LARP4B: variants seen among roughly 807,000 people sequenced by gnomAD.
LARP4B encodes the protein la-related protein 4B.
LARP4B carries 12 observed loss-of-function variants against 89.8 expected under a neutral mutation model. That is an observed-to-expected ratio of 0.13 (90% CI 0.09 to 0.22). The LOEUF (loss-of-function observed/expected upper bound fraction) is 0.22. LARP4B is among the 10% of genes least tolerant of loss of function. The pLI, the probability that LARP4B is intolerant of heterozygous loss-of-function variation, is 1.00. For missense variants in LARP4B, 757 were observed against 947.7 expected, an observed-to-expected ratio of 0.80 and a Z score of 2.64; for synonymous variants, 367 against 363.3, an observed-to-expected ratio of 1.01 and a Z score of -0.12.
intron 1 of LARP4B, among the ~76,000 whole-genome samples, chr10:887,020 G>C (rs931253757): frequency 2.0e-5 from 3 of 152,140 alleles, no homozygotes; most frequent in African/African-American, 7.2e-5. Flanking sequence ...CCGGGAAGCA[G>C]GGGTTGCAGT....
chr10:889,566 G>A (rs1835956442), intron 1 of LARP4B, among the ~76,000 whole-genome samples: 1 of 152,198 alleles, frequency 6.6e-6, no homozygotes, highest in African/African-American at 2.4e-5. Context: ...ATGTTGAAAT[G>A]ACATTGAAAG....
At chr10:900,453 T>TTTTTTTTTTTTG (rs1836309611) in intron 1 of LARP4B, among the ~76,000 whole-genome samples, 1 of 117,262 alleles carries the variant, frequency 8.5e-6, no homozygotes, top group Non-Finnish European at 1.8e-5. Flanking sequence ...TTTTTTTTTT[T>TTTTTTTTTTTTG]GAGGTAGGGT....
the LARP4B span, among the ~76,000 whole-genome samples, chr10:965,288 C>T: frequency 6.6e-6 from 1 of 152,186 alleles, no homozygotes; most frequent in Admixed American, 6.5e-5. Flanking sequence ...GGACAGAAGG[C>T]GGTGGTGCTG....
In LARP4B at chr10:812,939, T is replaced by C; in HGVS notation, c.2204A>G (p.Lys735Arg). 2.6e-6 allele frequency: 4 copies of C among 1,545,784 alleles called. No individual in the cohort carries two copies. The highest frequency in any genetic ancestry group is 3.5e-6 in the Non-Finnish European group (4 of 1,155,036). The change falls in exon 18 of 18, where the codon AAG becomes AGG. Residue 735 changes from lysine to arginine, a missense_variant. Physicochemically the swap from Lys to Arg is conservative, Grantham distance 26. This residue lies in a region of LARP4B where 387 missense variants were observed against 423.6 expected (regional missense o/e 0.91). Transcript: ENST00000316157. ...GACGTACGGTTTTCACTGAGGAGAC[T>C]TGGGGGGAGTGCTCTGCTCTCGGCT... Reference protein sequence around the residue: ...RLSREQSTPPKSPQ With the variant: ...RLSREQSTPPRSPQ
chr10:939,912 C>G, the LARP4B span, among the ~76,000 whole-genome samples: 2 of 152,202 alleles, frequency 1.3e-5, no homozygotes, highest in Non-Finnish European at 2.9e-5. Flanking sequence ...GTGGTGTGAT[C>G]TCAGCTCACT....
chr10:958,908 C>G, the LARP4B span, among the ~76,000 whole-genome samples: 1 of 152,210 alleles, frequency 6.6e-6, no homozygotes, highest in African/African-American at 2.4e-5. Flanking sequence ...TCTGAAAGAA[C>G]AGAAAGAAAC....
intron 1 of LARP4B, among the ~76,000 whole-genome samples, chr10:923,073 C>CAA (rs796560967): frequency 7.2e-5 from 10 of 139,454 alleles, no homozygotes; most frequent in African/African-American, 2.1e-4. Flanking sequence ...GACTCCACCT[C>CAA]AAAAAAAAAA....
In LARP4B at chr10:814,799, A is replaced by C; in HGVS notation, c.1872T>G (p.Leu624=). The C allele has an allele frequency of 6.2e-7, 1 of 1,605,128 alleles. No individual in the cohort carries two copies. The highest frequency in any genetic ancestry group is 1.7e-4 in the Middle Eastern group (1 of 6,052). ...KQRETHSVDR[L]PSALTATACK... is the part of the protein sequence containing the mutation. Reference sequence around the variant, plus strand: ...ACGCGGTCGCAGTGAGGGCGGAAGGAAGTCTGTCCACACTGTGGGTTTCCC... The same window carrying C: ...ACGCGGTCGCAGTGAGGGCGGAAGGCAGTCTGTCCACACTGTGGGTTTCCC... The change falls in exon 17 of 18, where the codon CTT becomes CTG. Residue 624 remains leucine (L), a synonymous_variant. Transcript: ENST00000316157. The surrounding 1 kb of genome is among the most constrained non-coding windows in gnomAD (Gnocchi z 4.4).
chr10:841,051 G>A (rs1424483887), intron 7 of LARP4B, among the ~76,000 whole-genome samples: 1 of 152,200 alleles, frequency 6.6e-6, no homozygotes, highest in Admixed American at 6.5e-5. Context: ...CTACTTGGGA[G>A]GCTGAGGTAG....
At chr10:866,021 G>A (rs971276210) in intron 3 of LARP4B, among the ~76,000 whole-genome samples, 1 of 152,196 alleles carries the variant, frequency 6.6e-6, no homozygotes, top group Non-Finnish European at 1.5e-5. Context: ...TTAAAAGACA[G>A]AATAAATCCA....
intron 7 of LARP4B, among the ~76,000 whole-genome samples, chr10:838,119 G>C (rs780067005): frequency 6.6e-6 from 1 of 152,130 alleles, no homozygotes; most frequent in Non-Finnish European, 1.5e-5. Flanking sequence ...TGCAGACCTG[G>C]CACCACCATT....
chr10:807,191 A>G (rs1192360907), downstream of LARP4B: 1 of 152,300 alleles, frequency 6.6e-6, no homozygotes, highest in African/African-American at 2.4e-5. Context: ...ACGAGAAGAC[A>G]CGGTGATCCT....
chr10:881,461 C>T (rs1384760503), intron 3 of LARP4B, among the ~76,000 whole-genome samples: 1 of 152,148 alleles, frequency 6.6e-6, no homozygotes, highest in African/African-American at 2.4e-5. Context: ...CTTGAGTCAG[C>T]CTCCCTGCCT....
At chr10:817,998 AC>A in intron 14 of LARP4B, 109 bp from the exon 15 acceptor site, 2 of 1,131,504 alleles carry the variant, frequency 1.8e-6, no homozygotes, top group Non-Finnish European at 2.5e-6. Flanking sequence ...AGATCATTCA[AC>A]CCAGACAAGG....
At position 814,625 on chromosome 10, in the gene LARP4B, AT is replaced by A. The variant is rs1350362320; in HGVS notation, c.1929+116del. ...GAAAACACAACACAGACAGACGCAAATAAAAACCCACCAAATTAGATGTGAT... is the reference window on the plus strand; with the variant it reads ...GAAAACACAACACAGACAGACGCAAAAAAAACCCACCAAATTAGATGTGAT... On this transcript the variant is annotated intron_variant, in intron 17 of 17. Transcript: ENST00000316157. This position sits in a 1 kb window ranked among gnomAD's most constrained non-coding sequence, Gnocchi z 4.4. 3 of 1,549,652 alleles carry A rather than the reference AT, an allele frequency of 1.9e-6. No individual in the cohort carries two copies. Among genetic ancestry groups the A allele is most frequent in the East Asian group, 4.9e-5 (2 of 40,874 alleles).
At chr10:859,315 A>C (rs1834472233) in intron 5 of LARP4B, among the ~76,000 whole-genome samples, 1 of 152,124 alleles carries the variant, frequency 6.6e-6, no homozygotes, top group African/African-American at 2.4e-5. Flanking sequence ...AGTATTGGCA[A>C]GGATTTAATA....
At chr10:819,441 C>G (rs974533895) in intron 14 of LARP4B, 3 of 152,098 alleles carry the variant, frequency 2.0e-5, no homozygotes, top group Non-Finnish European at 4.4e-5. Flanking sequence ...TGGTTAGGCC[C>G]GAGGCTCACA....
At chr10:869,352 C>A (rs111837300) in intron 3 of LARP4B, among the ~76,000 whole-genome samples, 3 of 152,134 alleles carry the variant, frequency 2.0e-5, no homozygotes, top group African/African-American at 7.2e-5. Context: ...TCTGACAACA[C>A]TGCGGCCAGG....
At chr10:947,461 G>T in the LARP4B span, among the ~76,000 whole-genome samples, 1 of 152,106 alleles carries the variant, frequency 6.6e-6, no homozygotes, top group Non-Finnish European at 1.5e-5. Flanking sequence ...TCCCAGAAAG[G>T]ACGAAAGAAG....
Sources: gnomAD v4.1 joint callset for allele counts (sites outside exome capture counted in the v4.1 genomes callset) on GRCh38, gnomAD v4.1.1 for gene constraint, gnomAD v4.1.1 regional missense constraint, Gnocchi (gnomAD v3.1) non-coding constraint, MANE v1.5 for transcripts, NCBI Gene and HGNC (gene_info 2026-07-23, HGNC 2026-07-21) for gene names.